The following PCDHGA4 variants were observed in gnomAD, a reference collection of about 807,000 sequenced individuals.
PCDHGA4 encodes the protein protocadherin gamma subfamily A, 4, also known as protocadherin gamma-A4.
A neutral mutation model predicts 54.6 loss-of-function variants in PCDHGA4; 38 were observed. That is an observed-to-expected ratio of 0.70 (90% confidence interval 0.54 to 0.91). The LOEUF is 0.91. PCDHGA4 is among the 40% of genes least tolerant of loss of function. The pLI is 0.00. For synonymous variants in PCDHGA4, 511 were observed against 512.9 expected (o/e 1.00, Z 0.05); for missense variants, 1,298 against 1,220.9 (o/e 1.06, Z -0.94).
At chr5:141,397,965 C>A in intron 1 of PCDHGA4, 1 of 1,077,484 alleles carries the variant, frequency 9.3e-7, no homozygotes. Flanking sequence ...AGCTCAGACT[C>A]CCCAGCGCCG....
intron 1 of PCDHGA4, chr5:141,384,094 G>T: frequency 6.3e-7 from 1 of 1,596,384 alleles, no homozygotes. Flanking sequence ...AAAATCAATA[G>T]ATAATTATTA....
chr5:141,507,478 C>A (rs933478897), intron 3 of PCDHGA4, among the ~76,000 whole-genome samples: 3 of 152,158 alleles, frequency 2.0e-5, no homozygotes, highest in Non-Finnish European at 4.4e-5. Context: ...GGACTGCTGG[C>A]CTCCTGAGGC....
At chr5:141,502,525 G>A (rs1258704254) in intron 2 of PCDHGA4, among the ~76,000 whole-genome samples, 1 of 152,074 alleles carries the variant, frequency 6.6e-6, no homozygotes, top group Non-Finnish European at 1.5e-5. Flanking sequence ...CAGTGATGCC[G>A]AGTTTGTTCG....
At chr5:141,384,411 T>C (rs751134591) in intron 1 of PCDHGA4, 7 of 1,613,860 alleles carry the variant, frequency 4.3e-6, no homozygotes, top group South Asian at 1.1e-5. Flanking sequence ...TGTCCTCCTA[T>C]GTCTCCATAA....
intron 1 of PCDHGA4, chr5:141,421,396 C>T: frequency 2.5e-6 from 4 of 1,614,036 alleles, no homozygotes; most frequent in South Asian, 1.1e-5. Context: ...GGGGCTGGAG[C>T]CCCGGGAGCT....
chr5:141,437,116 GA>G (rs914218907), intron 1 of PCDHGA4, among the ~76,000 whole-genome samples: 4 of 152,150 alleles, frequency 2.6e-5, no homozygotes, highest in African/African-American at 9.7e-5. Flanking sequence ...GGATTTTTAG[GA>G]CACTTGTTGA....
Position 141,355,498 on chromosome 5 carries a change from C to T in PCDHGA4, c.391C>T (p.Pro131Ser). 1.2e-6 allele frequency: 2 copies of T among 1,614,024 alleles called. No individual in the cohort carries two copies. Among genetic ancestry groups the T allele is most frequent in the Middle Eastern group, 1.6e-4 (1 of 6,062 alleles). The change falls in exon 1 of 4, where the codon CCA (proline) becomes TCA (serine). Residue 131 changes from proline to serine, a missense_variant. Physicochemically the swap from Pro to Ser is moderately conservative, Grantham distance 74. Transcript: ENST00000571252. The stretch of plus-strand genomic sequence containing the variant: ...CAGGGAGGAGCTCTGCGACAGATCT[C>T]CAAACTGTGTGACAAACCTGGAGAT... ...IDREELCDRSPNCVTNLEILL... is the reference protein window; with the variant it reads ...IDREELCDRSSNCVTNLEILL...
intron 1 of PCDHGA4, among the ~76,000 whole-genome samples, chr5:141,437,499 CA>C (rs2097890101): frequency 6.6e-6 from 1 of 152,076 alleles, no homozygotes; most frequent in African/African-American, 2.4e-5. Context: ...GATCACTTTT[CA>C]ATGAATTATA....
At chr5:141,366,726 C>G (rs761086416) in intron 1 of PCDHGA4, 3 of 1,613,226 alleles carry the variant, frequency 1.9e-6, no homozygotes, top group Admixed American at 3.3e-5. Context: ...AAGGTAGATG[C>G]AAACAAAGAA....
chr5:141,371,128 A>G (rs1767509392), intron 1 of PCDHGA4: 1 of 1,614,008 alleles, frequency 6.2e-7, no homozygotes, highest in Non-Finnish European at 8.5e-7. Context: ...TTTACTCAGG[A>G]CATGTACAGG....
At position 141,409,225 on chromosome 5, in the gene PCDHGA4, C is replaced by T. The variant is rs781617309; in HGVS notation, c.2514+51604C>T. 59 of 1,613,878 alleles carry T rather than the reference C, an allele frequency of 3.7e-5. 2 individuals carry two copies. The East Asian group carries it at 1.1e-3, about 30-fold the overall frequency. On this transcript the variant is annotated intron_variant, in intron 1 of 3. Coordinates refer to ENST00000571252, the MANE Select transcript of PCDHGA4 (RefSeq NM_018917.4). ...TAATCATAGAAATCCTTGATGAAAA[C>T]GACAACAGCCCAGAAATAATCATCA...
chr5:141,430,910 G>C, intron 1 of PCDHGA4: 2 of 1,608,040 alleles, frequency 1.2e-6, no homozygotes, highest in South Asian at 1.1e-5. Context: ...CATCTCCAGG[G>C]ACCTGGGGCT....
At chr5:141,398,743 A>C (rs770231078) in intron 1 of PCDHGA4, 2 of 1,613,864 alleles carry the variant, frequency 1.2e-6, no homozygotes, top group Admixed American at 3.3e-5. Flanking sequence ...GGAACAACAG[A>C]GTTACCATCG....
At chr5:141,376,318 G>A (rs373956139) in intron 1 of PCDHGA4, 28 of 1,614,082 alleles carry the variant, frequency 1.7e-5, no homozygotes, top group Non-Finnish European at 1.9e-5. Context: ...GCGTGGAAGG[G>A]GTTCGGGCTT....
chr5:141,384,354 C>T (rs1437330360), intron 1 of PCDHGA4: 13 of 1,613,844 alleles, frequency 8.1e-6, no homozygotes, highest in Non-Finnish European at 1.0e-5. Context: ...AGGATAATGC[C>T]CAGATCACTT....
chr5:141,404,358 C>T (rs746085915), intron 1 of PCDHGA4: 19 of 1,613,846 alleles, frequency 1.2e-5, no homozygotes, highest in Non-Finnish European at 1.6e-5. Context: ...GCCAGAGGTA[C>T]TTCCATCTTC....
intron 1 of PCDHGA4, chr5:141,430,693 C>A: frequency 1.4e-6 from 2 of 1,425,428 alleles, no homozygotes; most frequent in Admixed American, 2.6e-5. Context: ...ATTCTATGGG[C>A]GAAGGAACTG....
At chr5:141,422,446 A>G in intron 1 of PCDHGA4, 1 of 1,610,700 alleles carries the variant, frequency 6.2e-7, no homozygotes, top group South Asian at 1.1e-5. Context: ...CAAATTGATA[A>G]CAAGCAGAGT....
chr5:141,383,972 A>C, intron 1 of PCDHGA4: 1 of 1,613,800 alleles, frequency 6.2e-7, no homozygotes, highest in Non-Finnish European at 8.5e-7. Context: ...TCAATCCCTG[A>C]AGACACACCT....
Sources: gnomAD v4.1 joint callset for allele counts (sites outside exome capture counted in the v4.1 genomes callset) on GRCh38, gnomAD v4.1.1 for gene constraint, MANE v1.5 for transcripts, NCBI Gene and HGNC (gene_info 2026-07-23, HGNC 2026-07-21) for gene names.